DGKH: variants seen among roughly 807,000 people sequenced by gnomAD.
DGKH encodes the protein DAG kinase eta.
A neutral mutation model predicts 159.3 loss-of-function variants in DGKH; 90 were observed. The ratio of observed to expected loss-of-function variants is 0.57; its 90% CI spans 0.48 to 0.67. The LOEUF is 0.67. DGKH is among the 30% of genes least tolerant of loss of function. DGKH has a pLI of 0.00. For missense variants in DGKH, 1,181 were observed against 1,506.1 expected, an observed-to-expected ratio of 0.78 and a Z score of 3.57; for synonymous variants, 536 against 553.8, an observed-to-expected ratio of 0.97 and a Z score of 0.45.
intron 1 of DGKH, among the ~76,000 whole-genome samples, chr13:42,125,864 G>A (rs35040101): frequency 0.13 from 20,466 of 152,218 alleles, 1,574 homozygotes; most frequent in South Asian, 0.18. Context: ...ATTATCATAT[G>A]TAGCAGATAA....
chr13:42,089,550 G>A (rs1954374651), intron 1 of DGKH, among the ~76,000 whole-genome samples: 1 of 152,090 alleles, frequency 6.6e-6, no homozygotes, highest in Non-Finnish European at 1.5e-5. Flanking sequence ...CTATTTCTTT[G>A]CCTTCTCCAA....
chr13:42,164,223 T>C (rs1048463649), intron 7 of DGKH, among the ~76,000 whole-genome samples: 6 of 152,330 alleles, frequency 3.9e-5, no homozygotes, highest in African/African-American at 1.4e-4. Flanking sequence ...GTGGACATAG[T>C]TTTACCTTTT....
At chr13:42,199,140 A>G (rs900432942) in intron 18 of DGKH, among the ~76,000 whole-genome samples, 5 of 152,234 alleles carry the variant, frequency 3.3e-5, no homozygotes, top group Admixed American at 3.3e-4. Flanking sequence ...GATTGGATCT[A>G]GTACTTTTTT....
At chr13:42,101,559 T>C (rs570523866) in intron 1 of DGKH, among the ~76,000 whole-genome samples, 1 of 152,328 alleles carries the variant, frequency 6.6e-6, no homozygotes, top group South Asian at 2.1e-4. Context: ...GCAGAAAGGT[T>C]TGTTGGACAG....
At chr13:42,115,788 T>C (rs1030361681) in intron 1 of DGKH, among the ~76,000 whole-genome samples, 1 of 152,142 alleles carries the variant, frequency 6.6e-6, no homozygotes, top group African/African-American at 2.4e-5. Context: ...ACCTTGAACA[T>C]ATTGAACCAG....
rs774295145 is a variant in DGKH at position 42,178,140 on chromosome 13, G to T, written c.1458G>T (p.Thr486=). The T allele has an allele frequency of 1.9e-6, 3 of 1,606,132 alleles. No individual in the cohort carries two copies. Among genetic ancestry groups the T allele is most frequent in the Admixed American group, 3.4e-5 (2 of 59,692 alleles). The part of the protein sequence containing the change: ...PPEASEEFYM[T]IYEDSVATHL... ...TAGAGTTTTCTTTTCTTCAGATGAC[G>T]ATTTATGAAGACTCAGTTGCAACGC... Residue 486 remains threonine (T), a synonymous_variant, in exon 13 of 30, where the codon ACG becomes ACT. Coordinates refer to ENST00000337343, the MANE Select transcript of DGKH (RefSeq NM_178009.5).
At chr13:42,076,151 C>T (rs566147956) in intron 1 of DGKH, among the ~76,000 whole-genome samples, 2 of 152,074 alleles carry the variant, frequency 1.3e-5, no homozygotes, top group Admixed American at 1.3e-4. Context: ...TTTAAAAAAA[C>T]CGAAGTCTGT....
chr13:42,118,893 T>G (rs1197002386), intron 1 of DGKH, among the ~76,000 whole-genome samples: 2 of 152,152 alleles, frequency 1.3e-5, no homozygotes, highest in Non-Finnish European at 2.9e-5. Context: ...CATGGGAGAA[T>G]GAAGTAGGTT....
chr13:42,087,593 G>T (rs2137736899), intron 1 of DGKH, among the ~76,000 whole-genome samples: 1 of 152,280 alleles, frequency 6.6e-6, no homozygotes, highest in African/African-American at 2.4e-5. Context: ...AAAGGACTCA[G>T]ATTCAACTTC....
At chr13:42,186,358 T>C (rs1344334646) in intron 13 of DGKH, among the ~76,000 whole-genome samples, 1 of 152,222 alleles carries the variant, frequency 6.6e-6, no homozygotes, top group African/African-American at 2.4e-5. Context: ...AAAAGGCAGA[T>C]TTTGTTAGTG....
At chr13:42,078,705 A>G (rs929333600) in intron 1 of DGKH, among the ~76,000 whole-genome samples, 3 of 152,090 alleles carry the variant, frequency 2.0e-5, no homozygotes, top group Non-Finnish European at 4.4e-5. Flanking sequence ...TTGAAATTCC[A>G]CTTGCCAGAA....
chr13:42,087,745 C>CT (rs1566094256), intron 1 of DGKH, among the ~76,000 whole-genome samples: 17 of 102,770 alleles, frequency 1.7e-4, no homozygotes, highest in African/African-American at 6.2e-4. Flanking sequence ...ATGCACTGCT[C>CT]ATTTTTTTTT....
chr13:42,204,411 G>A (rs1957415104), intron 20 of DGKH, among the ~76,000 whole-genome samples: 1 of 152,162 alleles, frequency 6.6e-6, no homozygotes, highest in South Asian at 2.1e-4. Flanking sequence ...TTAACACTGT[G>A]TTTTCATGAA....
At chr13:42,049,146 C>T (rs1463992102) in intron 1 of DGKH, among the ~76,000 whole-genome samples, 181 bp downstream of exon 1, 2 of 37,814 alleles carry the variant, frequency 5.3e-5, no homozygotes, top group East Asian at 1.6e-3. Flanking sequence ...GATGGTGAGA[C>T]GGTGAGGCGG....
At chr13:42,046,433 T>A (rs1424779237), upstream of DGKH, among the ~76,000 whole-genome samples, 1 of 152,196 alleles carries the variant, frequency 6.6e-6, no homozygotes, top group Non-Finnish European at 1.5e-5. Flanking sequence ...GTAAGTCAGG[T>A]ATCTTAAATA....
At chr13:42,248,442 A>G (rs1402762540) in intron 29 of DGKH, among the ~76,000 whole-genome samples, 2 of 147,550 alleles carry the variant, frequency 1.4e-5, no homozygotes, top group Non-Finnish European at 3.0e-5. Context: ...ATATATATAT[A>G]ATATAGATAT....
chr13:42,092,041 T>C (rs1954428883), intron 1 of DGKH, among the ~76,000 whole-genome samples: 1 of 152,216 alleles, frequency 6.6e-6, no homozygotes, highest in Non-Finnish European at 1.5e-5. Context: ...TGTATGAGTG[T>C]TCATTTCACT....
At chr13:42,245,826 G>A (rs1011506237), downstream of DGKH, among the ~76,000 whole-genome samples, 3 of 152,076 alleles carry the variant, frequency 2.0e-5, no homozygotes, top group Admixed American at 6.5e-5. Flanking sequence ...CTCATGATCC[G>A]CCTGCCTCAG....
intron 1 of DGKH, among the ~76,000 whole-genome samples, chr13:42,120,020 A>G (rs1374050095): frequency 6.6e-6 from 1 of 152,162 alleles, no homozygotes; most frequent in Non-Finnish European, 1.5e-5. Flanking sequence ...ACCTCTCTCT[A>G]TGGCAGTGTC....
Sources: gnomAD v4.1 joint callset for allele counts (sites outside exome capture counted in the v4.1 genomes callset) on GRCh38, gnomAD v4.1.1 for gene constraint, MANE v1.5 for transcripts, NCBI Gene and HGNC (gene_info 2026-07-23, HGNC 2026-07-21) for gene names.